Variants in HSD17B12 observed in about 807,000 individuals in gnomAD.
The protein encoded by HSD17B12 is very-long-chain 3-oxoacyl-CoA reductase.
HSD17B12 carries 32 observed loss-of-function variants against 39.3 expected under a neutral mutation model. The observed-to-expected ratio is 0.81, with a 90% confidence interval of 0.61 to 1.09. The LOEUF (loss-of-function observed/expected upper bound fraction) is 1.09, where lower values mean the gene tolerates loss of function less well. Ranked by LOEUF, HSD17B12 falls within the 50% of genes least tolerant of loss-of-function variation. The pLI is 0.00. For synonymous variants in HSD17B12, 150 were observed against 146.7 expected, an observed-to-expected ratio of 1.02 and a Z score of -0.16; for missense variants, 342 against 382.9, an observed-to-expected ratio of 0.89 and a Z score of 0.89.
intron 3 of HSD17B12, among the ~76,000 whole-genome samples, chr11:43,784,412 G>T (rs1244317605): frequency 3.0e-5 from 4 of 134,376 alleles, no homozygotes; most frequent in African/African-American, 1.1e-4. Context: ...TTAACTTTTT[G>T]CTTTTTTCTT....
At chr11:43,647,708 G>T in the HSD17B12 span, among the ~76,000 whole-genome samples, 1 of 152,090 alleles carries the variant, frequency 6.6e-6, no homozygotes, top group Non-Finnish European at 1.5e-5. Flanking sequence ...AAGAATTGTT[G>T]ATTGTAGTTT....
intron 3 of HSD17B12, among the ~76,000 whole-genome samples, chr11:43,794,880 A>G (rs1234981530): frequency 6.6e-6 from 1 of 152,194 alleles, no homozygotes; most frequent in Non-Finnish European, 1.5e-5. Context: ...TCTGGAAAAA[A>G]GAGAGAGGCT....
At chr11:43,779,949 T>C (rs1950748488) in intron 3 of HSD17B12, among the ~76,000 whole-genome samples, 1 of 152,188 alleles carries the variant, frequency 6.6e-6, no homozygotes, top group South Asian at 2.1e-4. Flanking sequence ...TTTATCCTAA[T>C]TGGCTGCAGA....
intron 1 of HSD17B12, among the ~76,000 whole-genome samples, chr11:43,713,588 T>C (rs113308706): frequency 6.6e-6 from 1 of 152,168 alleles, no homozygotes; most frequent in Admixed American, 6.5e-5. Flanking sequence ...GCAGTAAACA[T>C]ACGTGTGCAT....
chr11:43,700,568 A>G (rs540191904), intron 1 of HSD17B12, among the ~76,000 whole-genome samples: 1 of 152,216 alleles, frequency 6.6e-6, no homozygotes, highest in South Asian at 2.1e-4. Context: ...TAGAGCCCAT[A>G]AGTAAGAGAA....
intron 1 of HSD17B12, among the ~76,000 whole-genome samples, chr11:43,701,614 C>A (rs958754166): frequency 5.7e-4 from 86 of 152,108 alleles, no homozygotes; most frequent in African/African-American, 2.0e-3. Flanking sequence ...ATTCTTGGCA[C>A]CTTTGTTGAA....
intron 1 of HSD17B12, among the ~76,000 whole-genome samples, chr11:43,748,412 A>C (rs1345957835): frequency 2.6e-5 from 4 of 152,180 alleles, no homozygotes; most frequent in Admixed American, 2.6e-4. Context: ...CTAAACACTG[A>C]GCACACGTGG....
At chr11:43,729,124 G>A (rs1950246564) in intron 1 of HSD17B12, among the ~76,000 whole-genome samples, 1 of 151,994 alleles carries the variant, frequency 6.6e-6, no homozygotes, top group Admixed American at 6.6e-5. Context: ...AAACTAAAAG[G>A]GAAAGGCAAT....
At chr11:43,823,960 G>A (rs1951207922) in intron 6 of HSD17B12, among the ~76,000 whole-genome samples, 1 of 152,180 alleles carries the variant, frequency 6.6e-6, no homozygotes, top group African/African-American at 2.4e-5. Flanking sequence ...TGGGTCAGAG[G>A]TTGTAAACTG....
rs1359218565 is a variant in HSD17B12 at position 43,856,405 on chromosome 11, A to G, written c.*1157A>G. 1.3e-5 allele frequency: 2 copies of G among 152,196 alleles called. No individual in the cohort carries two copies. Among genetic ancestry groups the G allele is most frequent in the African/African-American group, 4.8e-5 (2 of 41,452 alleles). 9.4% of individuals were successfully genotyped at this position (152,196 alleles called of 1,614,324 possible). A position where few individuals can be genotyped will look rare whatever the true frequency, so the allele number is the denominator to read the frequency against. ...TTTTCAGCACCAGTAGATTTGTATTAAAAGAAAAAAAAATGGGGCCTTAGC... is the reference window on the plus strand; with the variant it reads ...TTTTCAGCACCAGTAGATTTGTATTGAAAGAAAAAAAAATGGGGCCTTAGC... On this transcript the variant is annotated 3_prime_UTR_variant, in exon 11 of 11. Coordinates refer to ENST00000278353, the MANE Select transcript of HSD17B12 (RefSeq NM_016142.3).
chr11:43,797,292 CT>C (rs1185757211), intron 3 of HSD17B12, among the ~76,000 whole-genome samples: 1 of 152,158 alleles, frequency 6.6e-6, no homozygotes, highest in African/African-American at 2.4e-5. Context: ...AAAATTAGTT[CT>C]TTTGAATTCT....
chr11:43,674,865 C>T, the HSD17B12 span, among the ~76,000 whole-genome samples: 1 of 152,198 alleles, frequency 6.6e-6, no homozygotes, highest in Non-Finnish European at 1.5e-5. Flanking sequence ...CGTTTCAAGG[C>T]TGTTTCTTTT....
the HSD17B12 span, among the ~76,000 whole-genome samples, chr11:43,622,435 A>AAAAAT: frequency 1.1e-3 from 166 of 152,198 alleles, no homozygotes; most frequent in East Asian, 0.011. Context: ...CATTTCTACA[A>AAAAAT]AAAATAAAAT....
At position 43,798,380 on chromosome 11, in the gene HSD17B12, A is replaced by G. The variant is rs1440796068; in HGVS notation, c.344A>G (p.Tyr115Cys). 2 of 1,612,534 alleles carry G rather than the reference A, an allele frequency of 1.2e-6. No homozygotes were observed. The highest frequency in any genetic ancestry group is 1.3e-5 in the African/African-American group (1 of 74,884). The change falls in exon 4 of 11, where the codon TAT becomes TGT. Residue 115 changes from tyrosine to cysteine, a missense_variant. Coordinates refer to ENST00000278353, the MANE Select transcript of HSD17B12 (RefSeq NM_016142.3). ...IAVDFASEDI[Y>C]DKIKTGLAGL... is the part of the protein sequence containing the mutation. Reference sequence around the variant, plus strand: ...GTTGACTTTGCATCAGAAGATATTTATGATAAAATTAAAACAGGCTTGGCT... The same window carrying G: ...GTTGACTTTGCATCAGAAGATATTTGTGATAAAATTAAAACAGGCTTGGCT...
intron 1 of HSD17B12, among the ~76,000 whole-genome samples, chr11:43,700,680 G>A (rs1046635833): frequency 2.6e-5 from 4 of 152,026 alleles, no homozygotes; most frequent in Non-Finnish European, 5.9e-5. Context: ...CTTTTTTATG[G>A]CTGAATAGAA....
intron 1 of HSD17B12, among the ~76,000 whole-genome samples, chr11:43,711,750 C>T (rs551286169): frequency 9.9e-5 from 15 of 152,216 alleles, no homozygotes; most frequent in African/African-American, 2.9e-4. Context: ...GCTAGGATTA[C>T]AGGCATGAGC....
chr11:43,605,977 T>C, the HSD17B12 span, among the ~76,000 whole-genome samples: 21 of 152,304 alleles, frequency 1.4e-4, no homozygotes, highest in East Asian at 3.9e-3. Flanking sequence ...CCAGAGTATC[T>C]AAATGAGGAT....
chr11:43,674,551 C>T, the HSD17B12 span, among the ~76,000 whole-genome samples: 2 of 152,304 alleles, frequency 1.3e-5, no homozygotes, highest in African/African-American at 4.8e-5. Context: ...AAGAGGAATG[C>T]ATACCAAAAT....
At chr11:43,595,087 G>A in the HSD17B12 span, among the ~76,000 whole-genome samples, 1 of 152,144 alleles carries the variant, frequency 6.6e-6, no homozygotes, top group East Asian at 1.9e-4. Flanking sequence ...ATAAATAAAG[G>A]TGTGAGACTG....
Sources: gnomAD v4.1 joint callset for allele counts (sites outside exome capture counted in the v4.1 genomes callset) on GRCh38, gnomAD v4.1.1 for gene constraint, MANE v1.5 for transcripts, NCBI Gene and HGNC (gene_info 2026-07-23, HGNC 2026-07-21) for gene names.